CDC14B: variants seen among roughly 807,000 people sequenced by gnomAD.
CDC14B encodes the protein dual specificity protein phosphatase CDC14B.
CDC14B carries 22 observed loss-of-function variants against 64.2 expected under a neutral mutation model. That is an observed-to-expected ratio of 0.34 (90% CI 0.24 to 0.49). The LOEUF (loss-of-function observed/expected upper bound fraction) is 0.49, where lower values mean the gene tolerates loss of function less well. CDC14B is among the 20% of genes least tolerant of loss of function. The pLI is 0.99. For missense variants in CDC14B, 498 were observed against 629.9 expected, an observed-to-expected ratio of 0.79 and a Z score of 2.24; for synonymous variants, 191 against 215.8, an observed-to-expected ratio of 0.89 and a Z score of 1.01.
At chr9:96,494,066 C>T (rs1833156382) in intron 13 of CDC14B, among the ~76,000 whole-genome samples, 1 of 152,186 alleles carries the variant, frequency 6.6e-6, no homozygotes, top group African/African-American at 2.4e-5. Flanking sequence ...AGGAGCAGAG[C>T]GTTTGCTTGA....
chr9:96,607,762 A>G (rs1406065085), intron 1 of CDC14B, among the ~76,000 whole-genome samples: 1 of 152,196 alleles, frequency 6.6e-6, no homozygotes, highest in Non-Finnish European at 1.5e-5. Context: ...AGAATACACG[A>G]GCAATGTGGG....
chr9:96,602,344 A>C (rs1046146595), intron 1 of CDC14B, among the ~76,000 whole-genome samples: 2 of 151,850 alleles, frequency 1.3e-5, no homozygotes, highest in South Asian at 4.1e-4. Flanking sequence ...CCTCTGCAAA[A>C]AAGAATTACG....
In CDC14B at chr9:96,605,695, T is replaced by G. The variant is rs1421715949; in HGVS notation, c.160+13524A>C. On this transcript the variant is annotated intron_variant, in intron 1 of 13. Coordinates refer to ENST00000375241, the MANE Select transcript of CDC14B (RefSeq NM_033331.4). ...GCAGACATATATATGCCTACTTAGT[T>G]TTAGTAAAATATTTTAAGGGCCAGG... 3.9e-5 allele frequency among the ~76,000 whole-genome samples: 6 copies of G among 152,102 alleles called. No homozygotes were observed. In the South Asian group the frequency reaches 1.2e-3, roughly 32 times the overall value.
rs909551151 is a variant in CDC14B, at chr9:96,537,841, G to A, written c.627+1237C>T. ...GGGTTCAAGTGATTCTCCTGCCTCA[G>A]CCTCCTGAGTAGCTGGGACTACAGG... On this transcript the variant is annotated intron_variant, in intron 7 of 13. Coordinates refer to ENST00000375241, the MANE Select transcript of CDC14B (RefSeq NM_033331.4). Among the ~76,000 whole-genome samples, 4 of 152,068 alleles carry A rather than the reference G, an allele frequency of 2.6e-5. No individual in the cohort carries two copies. In the East Asian group the frequency reaches 7.7e-4, roughly 29 times the overall value.
intron 1 of CDC14B, among the ~76,000 whole-genome samples, chr9:96,618,912 G>T (rs1174956460): frequency 1.3e-5 from 2 of 152,250 alleles, no homozygotes; most frequent in Non-Finnish European, 2.9e-5. Flanking sequence ...AGGAGCTGCA[G>T]GTTCGAGGCG....
chr9:96,502,766 A>C lies in CDC14B; in HGVS notation c.*987T>G, dbSNP rs1010689350. On this transcript the variant is annotated 3_prime_UTR_variant, in exon 14 of 14. Coordinates refer to ENST00000375241, the MANE Select transcript of CDC14B (RefSeq NM_033331.4). Reference sequence around the variant, plus strand: ...CCAGAAGCAGATCATTGTCACTGAGATCGCAGGCCACGTCAATGGCCTTAG... The same window carrying C: ...CCAGAAGCAGATCATTGTCACTGAGCTCGCAGGCCACGTCAATGGCCTTAG... 5 of 397,838 alleles carry C rather than the reference A, an allele frequency of 1.3e-5. No homozygotes were observed. The highest frequency in any genetic ancestry group is 2.2e-5 in the Non-Finnish European group (5 of 225,492). 24.6% of individuals were successfully genotyped at this position (397,838 alleles called of 1,614,324 possible).
In CDC14B at chr9:96,523,386, A is replaced by G; in HGVS notation, c.1120T>C (p.Phe374Leu). 1.2e-6 allele frequency: 2 copies of G among 1,614,186 alleles called. No individual in the cohort carries two copies. Among genetic ancestry groups the G allele is most frequent in the Non-Finnish European group, 1.7e-6 (2 of 1,180,022 alleles). The change falls in exon 11 of 14, where the codon TTT (phenylalanine) becomes CTT (leucine). Residue 374 changes from phenylalanine (F) to leucine (L), a missense_variant. Phe to Leu is a conservative substitution (Grantham distance 22). Transcript: ENST00000375241. ...TCCTGCCCCTTTAACTTCTGACGAA[A>G]ATAGTCCCCTTCCAGCCAGAGGTTG... is the stretch of plus-strand genomic sequence containing the variant. ...QTNLWLEGDYFRQKLKGQENG... is the reference protein window; with the variant it reads ...QTNLWLEGDYLRQKLKGQENG...
In CDC14B at chr9:96,503,131, T is replaced by A. The variant is rs1833703332; in HGVS notation, c.*622A>T. Reference sequence around the variant, plus strand: ...TTTAGGTTACTAAGGTACCACCTGGTCTTACAACATGCAACAGTGTTTAAA... The same window carrying A: ...TTTAGGTTACTAAGGTACCACCTGGACTTACAACATGCAACAGTGTTTAAA... On this transcript the variant is annotated 3_prime_UTR_variant, in exon 14 of 14. Transcript: ENST00000375241. 2 of 365,748 alleles carry A rather than the reference T, an allele frequency of 5.5e-6. No homozygotes were observed. Among genetic ancestry groups the A allele is most frequent in the Non-Finnish European group, 9.7e-6 (2 of 205,830 alleles). The allele number at this position is 365,748 out of a possible 1,614,324, so 22.7% of individuals were successfully genotyped here. A position where few individuals can be genotyped will look rare whatever the true frequency, so the allele number is the denominator to read the frequency against.
chr9:96,548,173 G>T (rs1001335647), intron 5 of CDC14B, among the ~76,000 whole-genome samples: 1 of 151,844 alleles, frequency 6.6e-6, no homozygotes, highest in African/African-American at 2.4e-5. Context: ...ATCTGTAAAG[G>T]ACCACAGAGA....
At chr9:96,564,920 G>A in intron 2 of CDC14B, 68 bp from the exon 3 acceptor site, 1 of 997,778 alleles carries the variant, frequency 1.0e-6, no homozygotes, top group East Asian at 2.6e-5. Context: ...CCTTTTTTGG[G>A]TCTACAAGAT....
At chr9:96,521,961 A>T (rs971172580) in intron 12 of CDC14B, among the ~76,000 whole-genome samples, 1 of 152,220 alleles carries the variant, frequency 6.6e-6, no homozygotes, top group Non-Finnish European at 1.5e-5. Flanking sequence ...GAATGTACAC[A>T]TAGACATACA....
At position 96,536,798 on chromosome 9, in the gene CDC14B, A is replaced by G. The variant is rs757040841; in HGVS notation, c.628-2256T>C. On this transcript the variant is annotated intron_variant, in intron 7 of 13. Coordinates refer to ENST00000375241, the MANE Select transcript of CDC14B (RefSeq NM_033331.4). ...CTGCTCAAGGTAACTACAGCAGGGT[A>G]AGAAGACAGGAGGCTACAACTACTC... Among the ~76,000 whole-genome samples the G allele has an allele frequency of 7.2e-5, 11 of 152,366 alleles. No individual in the cohort carries two copies. The South Asian group carries it at 2.3e-3, about 32-fold the overall frequency.
At chr9:96,584,576 G>C (rs1845354246) in intron 1 of CDC14B, among the ~76,000 whole-genome samples, 1 of 152,120 alleles carries the variant, frequency 6.6e-6, no homozygotes, top group Admixed American at 6.5e-5. Flanking sequence ...ATCTAAATAA[G>C]CATTTCAAAG....
chr9:96,516,648 T>G (rs1400758474), intron 12 of CDC14B, among the ~76,000 whole-genome samples: 1 of 151,982 alleles, frequency 6.6e-6, no homozygotes, highest in African/African-American at 2.4e-5. Flanking sequence ...CCCGGCTAAG[T>G]ACTGTATTTT....
chr9:96,599,786 G>A (rs1440449617), intron 1 of CDC14B, among the ~76,000 whole-genome samples: 1 of 151,720 alleles, frequency 6.6e-6, no homozygotes, highest in East Asian at 1.9e-4. Flanking sequence ...TCACCAGGCT[G>A]GAGTGCAGTG....
At chr9:96,518,515 G>C (rs763931272) in intron 12 of CDC14B, among the ~76,000 whole-genome samples, 1 of 151,796 alleles carries the variant, frequency 6.6e-6, no homozygotes, top group East Asian at 1.9e-4. Context: ...ACTCTGTCTC[G>C]GGGAAAAAGA....
intron 13 of CDC14B, among the ~76,000 whole-genome samples, chr9:96,494,989 C>T (rs1293310244): frequency 6.6e-6 from 1 of 151,704 alleles, no homozygotes; most frequent in Non-Finnish European, 1.5e-5. Flanking sequence ...TACCTGCCAC[C>T]ACGCCCGGCT....
rs745482298 is a variant in CDC14B at position 96,523,548 on chromosome 9, C to T, written c.1085+39G>A. The T allele has an allele frequency of 2.5e-6, 4 of 1,612,824 alleles. No homozygotes were observed. The South Asian group carries it at 4.4e-5, about 18-fold the overall frequency. On this transcript the variant is annotated intron_variant, in intron 10 of 13. Coordinates refer to ENST00000375241, the MANE Select transcript of CDC14B (RefSeq NM_033331.4). Reference sequence around the variant, plus strand: ...CACTCCCCATCAGATTCCAACCCCACATGTTCCCTGGGAACTACAGACGTA... The same window carrying T: ...CACTCCCCATCAGATTCCAACCCCATATGTTCCCTGGGAACTACAGACGTA...
At chr9:96,563,109 GT>G (rs1798906948) in intron 3 of CDC14B, among the ~76,000 whole-genome samples, 1 of 152,138 alleles carries the variant, frequency 6.6e-6, no homozygotes, top group South Asian at 2.1e-4. Flanking sequence ...AAAGAAATCT[GT>G]CCCCAAAGCC....
Sources: gnomAD v4.1 joint callset for allele counts (sites outside exome capture counted in the v4.1 genomes callset) on GRCh38, gnomAD v4.1.1 for gene constraint, MANE v1.5 for transcripts, NCBI Gene and HGNC (gene_info 2026-07-23, HGNC 2026-07-21) for gene names.